IL1RAPL2: variants seen among roughly 807,000 people sequenced by gnomAD.
IL1RAPL2 encodes the protein interleukin 1 receptor accessory protein like 2, also known as X-linked interleukin-1 receptor accessory protein-like 2.
IL1RAPL2 carries 3 observed loss-of-function variants against 44.1 expected under a neutral mutation model. The ratio of observed to expected loss-of-function variants is 0.07; its 90% CI spans 0.03 to 0.18. The LOEUF is 0.18. IL1RAPL2 is among the 10% of genes least tolerant of loss of function. The pLI is 1.00. For synonymous variants in IL1RAPL2, 181 were observed against 178.8 expected (o/e 1.01, Z -0.10); for missense variants, 391 against 496.4 (o/e 0.79, Z 2.02).
intron 2 of IL1RAPL2, among the ~76,000 whole-genome samples, chrX:105,067,166 G>A (rs1462623072): frequency 9.0e-6 from 1 of 111,714 alleles, no homozygotes; most frequent in Non-Finnish European, 1.9e-5. Context: ...TTAACTGAGG[G>A]TATTTAGGAA....
chrX:104,967,161 C>T (rs776972436), intron 2 of IL1RAPL2, among the ~76,000 whole-genome samples: 6 of 111,470 alleles, frequency 5.4e-5, no homozygotes, highest in African/African-American at 1.6e-4. Flanking sequence ...CGTATTATGC[C>T]GTAAAGCAAC....
chrX:105,179,688 C>T (rs1434223942), intron 2 of IL1RAPL2, among the ~76,000 whole-genome samples: 1 of 108,748 alleles, frequency 9.2e-6, no homozygotes, highest in Admixed American at 9.8e-5. Flanking sequence ...TACAGTTTTC[C>T]TTGTAGAGAT....
rs201212518 is a variant in IL1RAPL2, at chrX:104,791,509, AAC to A, written c.82+132522_82+132523del. Among the ~76,000 whole-genome samples the A allele has an allele frequency of 4.6e-4, 52 of 111,909 alleles. No homozygotes were observed. In the East Asian group the frequency reaches 0.013, roughly 29 times the overall value. ...ATAGATACACTTATGTTTGTGTGCAAACACACACATATACCCATGGCAAGGAG... is the reference window on the plus strand; with the variant it reads ...ATAGATACACTTATGTTTGTGTGCAAACACACATATACCCATGGCAAGGAG... On this transcript the variant is annotated intron_variant, in intron 2 of 10. Coordinates refer to ENST00000372582, the MANE Select transcript of IL1RAPL2 (RefSeq NM_017416.2).
Position 104,718,337 on chromosome X carries a change from A to G in IL1RAPL2, c.82+59342A>G, listed in dbSNP as rs184850094. On this transcript the variant is annotated intron_variant, in intron 2 of 10. Coordinates refer to ENST00000372582, the MANE Select transcript of IL1RAPL2 (RefSeq NM_017416.2). ...TAGTATCTCATTGTGGTTTTGATTT[A>G]CATTTCTCTGATGGCCAGTGATGAT... Among the ~76,000 whole-genome samples, 45 of 111,072 alleles carry G rather than the reference A, an allele frequency of 4.1e-4. No homozygotes were observed. The South Asian group carries it at 6.4e-3, about 16-fold the overall frequency.
At chrX:105,005,484 C>T (rs2030925694) in intron 2 of IL1RAPL2, among the ~76,000 whole-genome samples, 2 of 111,454 alleles carry the variant, frequency 1.8e-5, no homozygotes, top group Non-Finnish European at 3.8e-5. Context: ...ATAAGTTCTC[C>T]CTGTGATTTG....
At chrX:105,263,958 T>C (rs1319865814) in intron 4 of IL1RAPL2, among the ~76,000 whole-genome samples, 1 of 111,566 alleles carries the variant, frequency 9.0e-6, no homozygotes, top group Non-Finnish European at 1.9e-5. Flanking sequence ...CAGACAACCA[T>C]CTTGAGACTT....
chrX:105,082,901 A>T lies in IL1RAPL2; in HGVS notation c.83-112574A>T, dbSNP rs1204737089. 2.7e-5 allele frequency among the ~76,000 whole-genome samples: 3 copies of T among 111,303 alleles called. No homozygotes were observed. In the Admixed American group the frequency reaches 2.9e-4, roughly 11 times the overall value. On this transcript the variant is annotated intron_variant, in intron 2 of 10. Coordinates refer to ENST00000372582, the MANE Select transcript of IL1RAPL2 (RefSeq NM_017416.2). ...AACCAGAATACCTCTTCTCCTCCAA[A>T]GGATCACAACTCCTCGCCAGCAAGG...
chrX:105,699,130 T>C (rs1364948778), intron 6 of IL1RAPL2, among the ~76,000 whole-genome samples: 1 of 111,632 alleles, frequency 9.0e-6, no homozygotes, highest in Non-Finnish European at 1.9e-5. Flanking sequence ...TATACCAGTT[T>C]ATTTTCTCAT....
intron 2 of IL1RAPL2, among the ~76,000 whole-genome samples, chrX:104,789,932 C>T (rs1296397710): frequency 8.9e-6 from 1 of 111,753 alleles, no homozygotes; most frequent in African/African-American, 3.3e-5. Flanking sequence ...TGTTCCAGCC[C>T]AGTGCAATGG....
At chrX:105,349,561 C>G (rs774321033) in intron 5 of IL1RAPL2, among the ~76,000 whole-genome samples, 78 of 111,826 alleles carry the variant, frequency 7.0e-4, no homozygotes, top group Non-Finnish European at 1.3e-3. Context: ...TGATGACCCA[C>G]TCATTCTATT....
intron 2 of IL1RAPL2, among the ~76,000 whole-genome samples, chrX:105,035,010 G>T (rs1162467944): frequency 2.3e-5 from 1 of 42,953 alleles, no homozygotes; most frequent in Non-Finnish European, 4.0e-5. Context: ...AGCAATCAGC[G>T]AGACACTGTG....
chrX:105,199,725 C>T (rs2033700945), intron 3 of IL1RAPL2, among the ~76,000 whole-genome samples: 1 of 111,819 alleles, frequency 8.9e-6, no homozygotes, highest in Admixed American at 9.5e-5. Context: ...AAAAGAATTC[C>T]ACTAAGATTG....
chrX:105,353,035 G>C (rs1168743012), intron 5 of IL1RAPL2, among the ~76,000 whole-genome samples: 1 of 111,227 alleles, frequency 9.0e-6, no homozygotes, highest in African/African-American at 3.3e-5. Context: ...GTATTGCCTA[G>C]GTTTTCTTCT....
intron 5 of IL1RAPL2, among the ~76,000 whole-genome samples, chrX:105,349,649 T>A (rs1191452612): frequency 8.9e-6 from 1 of 111,996 alleles, no homozygotes; most frequent in Non-Finnish European, 1.9e-5. Flanking sequence ...TGTTTTTCTG[T>A]TTGAGTCCTG....
At position 105,048,308 on chromosome X, in the gene IL1RAPL2, C is replaced by T. The variant is rs758334906; in HGVS notation, c.83-147167C>T. Among the ~76,000 whole-genome samples, 467 of 112,113 alleles carry T rather than the reference C, an allele frequency of 4.2e-3. 1 individual carries two copies. The highest frequency in any genetic ancestry group is 6.3e-3 in the Non-Finnish European group (333 of 53,233). On this transcript the variant is annotated intron_variant, in intron 2 of 10. Coordinates refer to ENST00000372582, the MANE Select transcript of IL1RAPL2 (RefSeq NM_017416.2). ...CACTACTTCAATATTATTTCACTTA[C>T]TTAATGTATTTTCATGCTTAATGAA...
intron 1 of IL1RAPL2, among the ~76,000 whole-genome samples, chrX:104,657,332 A>G (rs897015370): frequency 9.0e-6 from 1 of 111,348 alleles, no homozygotes; most frequent in Middle Eastern, 4.2e-3. Context: ...ATCTACAACC[A>G]TCTGATCTTT....
At chrX:105,399,501 T>C (rs985846379) in intron 5 of IL1RAPL2, among the ~76,000 whole-genome samples, 1 of 111,181 alleles carries the variant, frequency 9.0e-6, no homozygotes, top group Admixed American at 9.6e-5. Context: ...TTGCCTATTA[T>C]GTTTGTCTGT....
chrX:105,060,458 G>A (rs1451658004), intron 2 of IL1RAPL2, among the ~76,000 whole-genome samples: 1 of 110,936 alleles, frequency 9.0e-6, no homozygotes, highest in Non-Finnish European at 1.9e-5. Context: ...AATCCCACTT[G>A]GTCATGACGT....
rs1415566040 is a variant in IL1RAPL2 at position 105,311,713 on chromosome X, T to G, written c.697+44172T>G. On this transcript the variant is annotated intron_variant, in intron 5 of 10. Coordinates refer to ENST00000372582, the MANE Select transcript of IL1RAPL2 (RefSeq NM_017416.2). Reference sequence around the variant, plus strand: ...TACATTGTATTTATACTTATTTGTATTTATATTTTATTTTTATCCATGGTA... The same window carrying G: ...TACATTGTATTTATACTTATTTGTAGTTATATTTTATTTTTATCCATGGTA... Among the ~76,000 whole-genome samples, 4 of 109,836 alleles carry G rather than the reference T, an allele frequency of 3.6e-5. 1 individual carries two copies. The Admixed American group carries it at 4.0e-4, about 11-fold the overall frequency.
Sources: gnomAD v4.1 joint callset for allele counts (sites outside exome capture counted in the v4.1 genomes callset) on GRCh38, gnomAD v4.1.1 for gene constraint, MANE v1.5 for transcripts, NCBI Gene and HGNC (gene_info 2026-07-23, HGNC 2026-07-21) for gene names.